The following POTEB3 variants were observed in gnomAD, a reference collection of about 807,000 sequenced individuals.
POTEB3 encodes the protein ANKRD26-like family B member 1.
POTEB3 carries 5 observed loss-of-function variants against 39.8 expected under a neutral mutation model. The observed-to-expected ratio is 0.13, with a 90% confidence interval of 0.07 to 0.26. POTEB3 has a LOEUF of 0.26. POTEB3 is among the 10% of genes least tolerant of loss of function. POTEB3 has a pLI of 1.00. For synonymous variants in POTEB3, 5 were observed against 161.5 expected, an observed-to-expected ratio of 0.03 and a Z score of 7.35; for missense variants, 24 against 475.6, an observed-to-expected ratio of 0.05 and a Z score of 8.83.
At chr15:21,433,379 T>C (rs1449504084) in intron 3 of POTEB3, among the ~76,000 whole-genome samples, 1 of 150,108 alleles carries the variant, frequency 6.7e-6, no homozygotes, top group African/African-American at 2.5e-5. Flanking sequence ...TGCACCACCA[T>C]GCCTGGCTTC....
At chr15:21,423,468 G>A (rs1257156581) in intron 6 of POTEB3, among the ~76,000 whole-genome samples, 17 of 23,444 alleles carry the variant, frequency 7.3e-4, no homozygotes, top group African/African-American at 2.7e-3. Context: ...CAGATAAACA[G>A]GTAACTCCTT....
intron 8 of POTEB3, among the ~76,000 whole-genome samples, 170 bp from the exon 9 acceptor site, chr15:21,419,800 T>C (rs1426359991): frequency 7.2e-6 from 1 of 139,432 alleles, no homozygotes; most frequent in African/African-American, 2.8e-5. Flanking sequence ...TTTTAAGATG[T>C]AATTATCATG....
At chr15:21,414,465 TG>T (rs1898377762) in intron 9 of POTEB3, among the ~76,000 whole-genome samples, 1 of 103,878 alleles carries the variant, frequency 9.6e-6, no homozygotes, top group South Asian at 2.4e-4. Context: ...AGAAAATTTT[TG>T]GTTAAAGTTG....
rs1898895870 is a variant in POTEB3, at chr15:21,430,257, CACTT to C, written c.1055+3_1055+6del. Reference sequence around the variant, plus strand: ...GCATTAACTAGCCTTTTCATGTAAACACTTACACATGATGATGACTAGAAACAGC... The same window carrying C: ...GCATTAACTAGCCTTTTCATGTAAACACACATGATGATGACTAGAAACAGC... On this transcript the variant is annotated splice_donor_5th_base_variant and intron_variant, in intron 5 of 10. Coordinates refer to ENST00000611217, the MANE Select transcript of POTEB3 (RefSeq NM_207355.5). 8 of 1,448,314 alleles carry C rather than the reference CACTT, an allele frequency of 5.5e-6. No individual in the cohort carries two copies. The highest frequency in any genetic ancestry group is 1.7e-5 in the African/African-American group (1 of 59,420). 89.7% of individuals were successfully genotyped at this position (1,448,314 alleles called of 1,614,324 possible). A position where few individuals can be genotyped will look rare whatever the true frequency, so the allele number is the denominator to read the frequency against.
chr15:21,414,519 C>T (rs1898379099), intron 9 of POTEB3, among the ~76,000 whole-genome samples: 2 of 92,704 alleles, frequency 2.2e-5, no homozygotes, highest in South Asian at 5.2e-4. Context: ...ATGGTAACAA[C>T]AAGCCACCCA....
chr15:21,422,953 C>T (rs1263298828), intron 6 of POTEB3, among the ~76,000 whole-genome samples: 5 of 145,284 alleles, frequency 3.4e-5, no homozygotes, highest in South Asian at 2.2e-4. Context: ...CTTGTTTGAC[C>T]CACTGGGTCT....
At chr15:21,419,916 C>T (rs1434253087) in intron 8 of POTEB3, among the ~76,000 whole-genome samples, 2 of 130,260 alleles carry the variant, frequency 1.5e-5, no homozygotes, top group Admixed American at 7.8e-5. Flanking sequence ...TCATTTTGTG[C>T]TTTTATTCCC....
intron 6 of POTEB3, among the ~76,000 whole-genome samples, chr15:21,422,602 A>G (rs1461192162): frequency 7.3e-6 from 1 of 136,410 alleles, no homozygotes; most frequent in African/African-American, 2.7e-5. Context: ...AGGCCCAGGA[A>G]AGGTCATGGT....
At chr15:21,423,212 T>C (rs1316956412) in intron 6 of POTEB3, among the ~76,000 whole-genome samples, 1 of 126,128 alleles carries the variant, frequency 7.9e-6, no homozygotes, top group Non-Finnish European at 1.7e-5. Context: ...ATGATTCTCC[T>C]GTCTCAGTCT....
rs11248652 is a variant in POTEB3, at chr15:21,414,807, G to A, written c.1410-3806C>T. On this transcript the variant is annotated intron_variant, in intron 9 of 10. Coordinates refer to ENST00000611217, the MANE Select transcript of POTEB3 (RefSeq NM_207355.5). ...TTTTTTTTTAAATAAAATACTAGTG[G>A]CCAGGCGCAGTGGCTCATGCCTGTA... Among the ~76,000 whole-genome samples, 4 of 104,460 alleles carry A rather than the reference G, an allele frequency of 3.8e-5. 1 individual carries two copies. The highest frequency in any genetic ancestry group is 1.2e-4 in the African/African-American group (2 of 16,304). The allele number at this position is 104,460 out of a possible 152,430, so 68.5% of individuals were successfully genotyped here.
chr15:21,427,849 TATC>T (rs1324034401), intron 5 of POTEB3, 94 bp from the exon 6 acceptor site: 1 of 1,167,806 alleles, frequency 8.6e-7, no homozygotes, highest in Non-Finnish European at 1.2e-6. Context: ...TTTCAAACAA[TATC>T]ATAATATCAG....
intron 9 of POTEB3, among the ~76,000 whole-genome samples, chr15:21,413,550 A>ATG (rs1288775313): frequency 7.0e-4 from 19 of 27,196 alleles, no homozygotes; most frequent in South Asian, 2.5e-3. Context: ...ATATATATAT[A>ATG]TATGTATGTA....
intron 3 of POTEB3, among the ~76,000 whole-genome samples, chr15:21,433,435 C>T (rs1166691060): frequency 1.3e-5 from 2 of 149,534 alleles, no homozygotes; most frequent in South Asian, 4.2e-4. Context: ...ATTAGACTTA[C>T]TCTATCAAAA....
intron 6 of POTEB3, among the ~76,000 whole-genome samples, chr15:21,422,872 C>A (rs1898562456): frequency 6.7e-6 from 1 of 149,906 alleles, no homozygotes; most frequent in Non-Finnish European, 1.5e-5. Context: ...ATAAGCCAAG[C>A]CCTGTCTTTG....
At chr15:21,423,551 C>A (rs1898588885) in intron 6 of POTEB3, among the ~76,000 whole-genome samples, 1 of 3,912 alleles carries the variant, frequency 2.6e-4, no homozygotes, top group South Asian at 5.2e-3. Flanking sequence ...ACTATTCCTC[C>A]ACATGTCTGT....
Position 21,414,186 on chromosome 15 carries a change from T to A in POTEB3, c.1410-3185A>T, listed in dbSNP as rs1898369435. Among the ~76,000 whole-genome samples the A allele has an allele frequency of 5.1e-5, 4 of 78,758 alleles. 2 individuals are homozygous for A. Among genetic ancestry groups the A allele is most frequent in the Non-Finnish European group, 9.0e-5 (4 of 44,428 alleles). 51.7% of individuals were successfully genotyped at this position (78,758 alleles called of 152,430 possible). ...AGAGTATCACTACCATATACATACATGAACTGACAAAGAGATTAAAATCTC... is the reference window on the plus strand; with the variant it reads ...AGAGTATCACTACCATATACATACAAGAACTGACAAAGAGATTAAAATCTC... On this transcript the variant is annotated intron_variant, in intron 9 of 10. Coordinates refer to ENST00000611217, the MANE Select transcript of POTEB3 (RefSeq NM_207355.5).
In POTEB3 at chr15:21,424,985, T is replaced by G. The variant is rs1368777972; in HGVS notation, c.1126+2700A>C. Reference sequence around the variant, plus strand: ...TTAAGCAAAACAAATGAAAAAAGCATAACACCAAAAAAAGGCCAACACATT... The same window carrying G: ...TTAAGCAAAACAAATGAAAAAAGCAGAACACCAAAAAAAGGCCAACACATT... On this transcript the variant is annotated intron_variant, in intron 6 of 10. Transcript: ENST00000611217. 19 of 148,092 alleles carry G rather than the reference T, an allele frequency of 1.3e-4. No individual in the cohort carries two copies. The East Asian group carries it at 3.2e-3, about 25-fold the overall frequency. 9.2% of individuals were successfully genotyped at this position (148,092 alleles called of 1,614,324 possible). A position where few individuals can be genotyped will look rare whatever the true frequency, so the allele number is the denominator to read the frequency against.
intron 3 of POTEB3, among the ~76,000 whole-genome samples, chr15:21,432,793 T>A (rs1438952178): frequency 5.9e-5 from 3 of 50,892 alleles, no homozygotes; most frequent in Non-Finnish European, 1.1e-4. Context: ...GTGCCAATAA[T>A]ATTTATTTTA....
chr15:21,413,552 A>ATATG (rs1898357482), intron 9 of POTEB3, among the ~76,000 whole-genome samples: 1 of 28,108 alleles, frequency 3.6e-5, no homozygotes, highest in Non-Finnish European at 5.6e-5. Context: ...ATATATATAT[A>ATATG]TGTATGTATG....
Sources: gnomAD v4.1 joint callset for allele counts (sites outside exome capture counted in the v4.1 genomes callset) on GRCh38, gnomAD v4.1.1 for gene constraint, MANE v1.5 for transcripts, NCBI Gene and HGNC (gene_info 2026-07-23, HGNC 2026-07-21) for gene names.